Variants in FGFR3 observed in about 807,000 individuals in gnomAD.
FGFR3 encodes the protein fibroblast growth factor receptor 3, also known as FGFR-3.
A neutral mutation model predicts 82.9 loss-of-function variants in FGFR3; 25 were observed. That is an observed-to-expected ratio of 0.30 (90% CI 0.22 to 0.42). FGFR3 has a LOEUF of 0.42. Ranked by LOEUF, FGFR3 falls within the 10% of genes least tolerant of loss-of-function variation. The pLI is 1.00. For synonymous variants in FGFR3, 620 were observed against 516.0 expected (o/e 1.20, Z -2.73); for missense variants, 1,026 against 1,161.0 (o/e 0.88, Z 1.69).
chr4:1,807,417 GTGCA>G lies in FGFR3; in HGVS notation c.*156_*159del. 1 of 1,130,344 alleles carries G rather than the reference GTGCA, an allele frequency of 8.8e-7. No homozygotes were observed. The allele number at this position is 1,130,344 out of a possible 1,614,324, so 70.0% of individuals were successfully genotyped here. A position where few individuals can be genotyped will look rare whatever the true frequency, so the allele number is the denominator to read the frequency against. On this transcript the variant is annotated 3_prime_UTR_variant, in exon 18 of 18. Coordinates refer to ENST00000440486, the MANE Select transcript of FGFR3 (RefSeq NM_000142.5). ...TGTGTGTGCGTGTGTGTGTGTGTGT[GTGCA>G]CATCCGCGTGTGCCTGTGTGCGTGC...
In FGFR3 at chr4:1,805,920, G is replaced by A; in HGVS notation, c.1816G>A (p.Glu606Lys). ...TGCCTACCAGGTGGCCCGGGGCATG[G>A]AGTACTTGGCCTCCCAGAAGGTGGG... ...SCAYQVARGM[E>K]YLASQKCIHR... The change falls in exon 13 of 18, where the codon GAG becomes AAG. Residue 606 changes from glutamate to lysine, a missense_variant. Around this residue, in one of 9 missense-constraint regions of FGFR3, gnomAD observed 164 missense variants for 167.5 expected, o/e 0.98. Transcript: ENST00000440486. 6.2e-7 allele frequency: 1 copy of A among 1,610,896 alleles called. No individual in the cohort carries two copies. Among genetic ancestry groups the A allele is most frequent in the African/African-American group, 1.3e-5 (1 of 75,018 alleles).
At position 1,799,770 on chromosome 4, in the gene FGFR3, G is replaced by A. The variant is rs774962503; in HGVS notation, c.403G>A (p.Glu135Lys). The change falls in exon 4 of 18, where the codon GAA (glutamate) becomes AAA (lysine). Residue 135 changes from glutamate to lysine, a missense_variant. Coordinates refer to ENST00000440486, the MANE Select transcript of FGFR3 (RefSeq NM_000142.5). ...VTDAPSSGDD[E>K]DGEDEAEDTG... ...AGACGCTCCATCCTCGGGAGATGAC[G>A]AAGACGGGGAGGACGAGGCTGAGGA... 124 of 1,612,960 alleles carry A rather than the reference G, an allele frequency of 7.7e-5. No homozygotes were observed. The highest frequency in any genetic ancestry group is 1.0e-4 in the Non-Finnish European group (119 of 1,179,970).
rs2108797577 is a variant in FGFR3, at chr4:1,804,442, C to T, written c.1188C>T (p.Cys396=). The change falls in exon 9 of 18, where the codon TGC becomes TGT. Residue 396 remains cysteine, a synonymous_variant. Transcript: ENST00000440486. ...FILVVAAVTL[C]RLRSPPKKGL... ...TGGTGGTGGCGGCTGTGACGCTCTGCCGCCTGCGCAGCCCCCCCAAGAAAG... is the reference window on the plus strand; with the variant it reads ...TGGTGGTGGCGGCTGTGACGCTCTGTCGCCTGCGCAGCCCCCCCAAGAAAG... 2 of 1,612,472 alleles carry T rather than the reference C, an allele frequency of 1.2e-6. No individual in the cohort carries two copies. The highest frequency in any genetic ancestry group is 1.7e-6 in the Non-Finnish European group (2 of 1,179,568).
chr4:1,799,125 G>A, intron 2 of FGFR3, 129 bp from the exon 3 acceptor site: 2 of 1,306,828 alleles, frequency 1.5e-6, no homozygotes, highest in African/African-American at 2.9e-5. Context: ...TCCAGCCCCT[G>A]GTCTGGTGGG....
rs753846438 is a variant in FGFR3 at position 1,805,815 on chromosome 4, C to T, written c.1711C>T (p.Arg571Trp). ...GNLREFLRARRPPGLDYSFDT... is the reference protein window; with the variant it reads ...GNLREFLRARWPPGLDYSFDT... The stretch of plus-strand genomic sequence containing the variant: ...CCTGCGGGAGTTTCTGCGGGCGCGG[C>T]GGCCCCCGGGCCTGGACTACTCCTT... The change falls in exon 13 of 18, where the codon CGG becomes TGG. Residue 571 changes from arginine to tryptophan, a missense_variant. Arg to Trp is a moderately radical substitution (Grantham distance 101). Transcript: ENST00000440486. 1 of 1,612,350 alleles carries T rather than the reference C, an allele frequency of 6.2e-7. No individual in the cohort carries two copies. The highest frequency in any genetic ancestry group is 8.5e-7 in the Non-Finnish European group (1 of 1,179,766).
intron 2 of FGFR3, among the ~76,000 whole-genome samples, chr4:1,798,233 T>TCTCAGCCC (rs1452246201): frequency 6.6e-6 from 1 of 150,848 alleles, no homozygotes; most frequent in Non-Finnish European, 1.5e-5. Flanking sequence ...CACCCCAGCT[T>TCTCAGCCC]CTCAGCCCCC....
intron 14 of FGFR3, 30 bp from the exon 15 acceptor site, chr4:1,806,227 C>A (rs1323898068): frequency 6.2e-7 from 1 of 1,612,822 alleles, no homozygotes; most frequent in South Asian, 1.1e-5. Flanking sequence ...GGACGCCTGG[C>A]GCCAACACCG....
intron 2 of FGFR3, among the ~76,000 whole-genome samples, chr4:1,796,773 C>A (rs1560395556): frequency 6.6e-6 from 1 of 152,168 alleles, no homozygotes; most frequent in Non-Finnish European, 1.5e-5. Context: ...GGCCAGAGAC[C>A]CAGGGCAGGG....
Position 1,801,389 on chromosome 4 carries a change from C to G in FGFR3, c.468C>G (p.Pro156=), listed in dbSNP as rs778847955. 2 of 1,557,026 alleles carry G rather than the reference C, an allele frequency of 1.3e-6. No homozygotes were observed. Among genetic ancestry groups the G allele is most frequent in the Non-Finnish European group, 1.7e-6 (2 of 1,151,840 alleles). ...VDTGAPYWTR[P]ERMDKKLLAV... is the part of the protein sequence containing the mutation. Reference sequence around the variant, plus strand: ...CAGGGGCCCCTTACTGGACACGGCCCGAGCGGATGGACAAGAAGCTGCTGG... The same window carrying G: ...CAGGGGCCCCTTACTGGACACGGCCGGAGCGGATGGACAAGAAGCTGCTGG... The change falls in exon 5 of 18, where the codon CCC becomes CCG. Residue 156 remains proline, a synonymous_variant. Transcript: ENST00000440486.
intron 8 of FGFR3, 140 bp from the exon 9 acceptor site, chr4:1,804,190 G>A: frequency 1.0e-6 from 1 of 971,588 alleles, no homozygotes; most frequent in African/African-American, 1.6e-5. Context: ...CTGACTGCGA[G>A]ACCCTCCAGA....
rs201081464 is a variant in FGFR3 at position 1,801,670 on chromosome 4, C to T, written c.666C>T (p.Asp222=). The change falls in exon 6 of 18, where the codon GAC becomes GAT. Residue 222 remains aspartate, a synonymous_variant. Coordinates refer to ENST00000440486, the MANE Select transcript of FGFR3 (RefSeq NM_000142.5). ...SLVMESVVPS[D]RGNYTCVVEN... ...TCATGGAAAGCGTGGTGCCCTCGGA[C>T]CGCGGCAACTACACCTGCGTCGTGG... 38 of 1,611,492 alleles carry T rather than the reference C, an allele frequency of 2.4e-5. No homozygotes were observed. The East Asian group carries it at 6.9e-4, about 29-fold the overall frequency.
In FGFR3 at chr4:1,807,406, TG is replaced by T; in HGVS notation, c.*145del. ...GTCTGTGTGTGTGTGTGTGCGTGTG[TG>T]TGTGTGTGTGTGCACATCCGCGTGT... On this transcript the variant is annotated 3_prime_UTR_variant, in exon 18 of 18. Transcript: ENST00000440486. The T allele has an allele frequency of 1.8e-6, 2 of 1,109,542 alleles. No homozygotes were observed. 68.7% of individuals were successfully genotyped at this position (1,109,542 alleles called of 1,614,324 possible).
At position 1,794,134 on chromosome 4, in the gene FGFR3, C is replaced by T. The variant is rs1471777632; in HGVS notation, c.109+91C>T. 2.6e-5 allele frequency: 17 copies of T among 659,148 alleles called. No individual in the cohort carries two copies. In the Admixed American group the frequency reaches 5.9e-4, roughly 23 times the overall value. The allele number at this position is 659,148 out of a possible 1,614,324, so 40.8% of individuals were successfully genotyped here. Reference sequence around the variant, plus strand: ...ACCGGCCCCGGGTCGGAGGGGCCGCCGGGTGTGAGTGACGCCCCGGGGTTA... The same window carrying T: ...ACCGGCCCCGGGTCGGAGGGGCCGCTGGGTGTGAGTGACGCCCCGGGGTTA... On this transcript the variant is annotated intron_variant, in intron 2 of 17. Coordinates refer to ENST00000440486, the MANE Select transcript of FGFR3 (RefSeq NM_000142.5).
At chr4:1,801,585 CCTCCG>C (rs1242445602) in intron 5 of FGFR3, 30 bp from the exon 6 acceptor site, 21 of 1,589,376 alleles carry the variant, frequency 1.3e-5, no homozygotes, top group Non-Finnish European at 1.8e-5. Context: ...GTGGTTGCTG[CCTCCG>C]CTCACTCACC....
rs911728451 is a variant in FGFR3 at position 1,805,438 on chromosome 4, C to T, written c.1496C>T (p.Ala499Val). The T allele has an allele frequency of 6.2e-7, 1 of 1,611,816 alleles. No homozygotes were observed. The highest frequency in any genetic ancestry group is 8.5e-7 in the Non-Finnish European group (1 of 1,179,282). The change falls in exon 11 of 18, where the codon GCC (alanine) becomes GTC (valine). Residue 499 changes from alanine (A) to valine (V), a missense_variant. Physicochemically the swap from Ala to Val is moderately conservative, Grantham distance 64. Transcript: ENST00000440486. ...GCCATCGGCATTGACAAGGACCGGG[C>T]CGCCAAGCCTGTCACCGTAGCCGTG... ...AEAIGIDKDRAAKPVTVAVKM... is the reference protein window; with the variant it reads ...AEAIGIDKDRVAKPVTVAVKM...
Position 1,805,874 on chromosome 4 carries a change from C to G in FGFR3, c.1770C>G (p.Thr590=), listed in dbSNP as rs373391057. Residue 590 remains threonine (T), a synonymous_variant, in exon 13 of 18, where the codon ACC becomes ACG. Transcript: ENST00000440486. ...DTCKPPEEQL[T]FKDLVSCAYQ... ...GCAAGCCGCCCGAGGAGCAGCTCAC[C>G]TTCAAGGACCTGGTGTCCTGTGCCT... 22 of 1,612,840 alleles carry G rather than the reference C, an allele frequency of 1.4e-5. No individual in the cohort carries two copies. The highest frequency in any genetic ancestry group is 1.9e-5 in the Non-Finnish European group (22 of 1,179,860).
In FGFR3 at chr4:1,805,542, C is replaced by G; in HGVS notation, c.1535-17C>G. 6.2e-7 allele frequency: 1 copy of G among 1,612,890 alleles called. No individual in the cohort carries two copies. Among genetic ancestry groups the G allele is most frequent in the South Asian group, 1.1e-5 (1 of 91,088 alleles). The stretch of plus-strand genomic sequence containing the variant: ...GCGCCGCCGCCGCCTGACACAGGCC[C>G]CCCGCTCCGTGCACAGACGATGCCA... On this transcript the variant is annotated splice_polypyrimidine_tract_variant and intron_variant, in intron 11 of 17. Coordinates refer to ENST00000440486, the MANE Select transcript of FGFR3 (RefSeq NM_000142.5).
rs764103109 is a variant in FGFR3 at position 1,807,540 on chromosome 4, C to G, written c.*278C>G. On this transcript the variant is annotated 3_prime_UTR_variant, in exon 18 of 18. Transcript: ENST00000440486. Reference sequence around the variant, plus strand: ...GCTGCAGCACCGAGGGGCCTTTGTTCTGGGGGGACCCAGTGCAGAATGTAA... The same window carrying G: ...GCTGCAGCACCGAGGGGCCTTTGTTGTGGGGGGACCCAGTGCAGAATGTAA... 9.8e-6 allele frequency: 7 copies of G among 712,958 alleles called. No homozygotes were observed. Among genetic ancestry groups the G allele is most frequent in the Non-Finnish European group, 1.3e-5 (5 of 388,954 alleles). 44.2% of individuals were successfully genotyped at this position (712,958 alleles called of 1,614,324 possible).
Position 1,807,227 on chromosome 4 carries a change from C to A in FGFR3, c.2386C>A (p.Pro796Thr). ...CGTGTTTGCCCACGACCTGCTGCCC[C>A]CGGCCCCACCCAGCAGTGGGGGCTC... Reference protein sequence around the residue: ...DSVFAHDLLPPAPPSSGGSRT With the variant: ...DSVFAHDLLPTAPPSSGGSRT The change falls in exon 18 of 18, where the codon CCG becomes ACG. Residue 796 changes from proline (P) to threonine (T), a missense_variant. Physicochemically the swap from Pro to Thr is conservative, Grantham distance 38. Coordinates refer to ENST00000440486, the MANE Select transcript of FGFR3 (RefSeq NM_000142.5). The A allele has an allele frequency of 6.2e-7, 1 of 1,608,116 alleles. No individual in the cohort carries two copies. Among genetic ancestry groups the A allele is most frequent in the East Asian group, 2.2e-5 (1 of 44,664 alleles).
Sources: allele counts gnomAD v4.1 joint callset (sites outside exome capture counted in the v4.1 genomes callset), GRCh38; gene constraint gnomAD v4.1.1; regional missense constraint gnomAD v4.1.1; transcripts MANE v1.5; gene names NCBI Gene and HGNC (gene_info 2026-07-23, HGNC 2026-07-21).